PRR12: variants seen among roughly 807,000 people sequenced by gnomAD.
The protein encoded by PRR12 is proline-rich protein 12.
In PRR12, 12 loss-of-function variants were observed where a neutral mutation model predicts 138.0. That is an observed-to-expected ratio of 0.09 (90% CI 0.06 to 0.14). PRR12 has a LOEUF of 0.14. Ranked by LOEUF, PRR12 falls within the 10% of genes least tolerant of loss-of-function variation. PRR12 has a pLI of 1.00. For synonymous variants in PRR12, 1,567 were observed against 1,291.7 expected (o/e 1.21, Z -4.57); for missense variants, 2,692 against 2,861.3 (o/e 0.94, Z 1.35).
rs766566712 is a variant in PRR12, at chr19:49,591,617, TCCCTCC to T, written c.-28_-23del. ...CGCGCGCGCCCCCTCCCTCCCTCCC[TCCCTCC>T]CCCTCCCCCCAATTTCCACCGCGGC... On this transcript the variant is annotated 5_prime_UTR_variant, in exon 1 of 14. Transcript: ENST00000418929. 3.9e-4 allele frequency: 48 copies of T among 122,434 alleles called. No homozygotes were observed. The highest frequency in any genetic ancestry group is 6.9e-4 in the Non-Finnish European group (44 of 64,032). The allele number at this position is 122,434 out of a possible 1,614,324, so 7.6% of individuals were successfully genotyped here.
At chr19:49,620,546 G>C in intron 10 of PRR12, 69 bp downstream of exon 10, 1 of 1,541,548 alleles carries the variant, frequency 6.5e-7, no homozygotes, top group Non-Finnish European at 8.8e-7. Flanking sequence ...TGAGGGCTTG[G>C]ACGTGATGTG....
At chr19:49,604,525 A>T (rs1439348118) in intron 6 of PRR12, among the ~76,000 whole-genome samples, 1 of 151,964 alleles carries the variant, frequency 6.6e-6, no homozygotes, top group Admixed American at 6.6e-5. Flanking sequence ...TAAAAATACA[A>T]CAATTAGCCG....
chr19:49,616,099 C>T lies in PRR12; in HGVS notation c.5377C>T (p.Pro1793Ser). The change falls in exon 9 of 14, where the codon CCG becomes TCG. Residue 1793 changes from proline to serine, a missense_variant. Pro to Ser is a moderately conservative substitution (Grantham distance 74). This residue lies in a region of PRR12 where 259 missense variants were observed against 265.1 expected (regional missense o/e 0.98). Transcript: ENST00000418929. This position sits in a 1 kb window ranked among gnomAD's most constrained non-coding sequence, Gnocchi z 4.2. ...KARPTKVKAE[P>S]PPKKRKKWLK... The stretch of plus-strand genomic sequence containing the variant: ...CCGGCCTACCAAGGTGAAGGCTGAA[C>T]CGCCCCCTAAGAAGAGGAAGAAATG... 6.4e-7 allele frequency: 1 copy of T among 1,567,582 alleles called. No homozygotes were observed. Among genetic ancestry groups the T allele is most frequent in the Non-Finnish European group, 8.6e-7 (1 of 1,156,882 alleles).
chr19:49,620,389 G>T lies in PRR12; in HGVS notation c.5535G>T (p.Ala1845=), dbSNP rs189353817. 1 of 1,612,344 alleles carries T rather than the reference G, an allele frequency of 6.2e-7. No homozygotes were observed. Among genetic ancestry groups the T allele is most frequent in the Non-Finnish European group, 8.5e-7 (1 of 1,179,292 alleles). The stretch of plus-strand genomic sequence containing the variant: ...CTGGGCGTCTGCTCAAAACCAGGGC[G>T]ATGCGGGAGATGTACCGGAGCTACG... The part of the protein sequence containing the change: ...AVPGRLLKTR[A]MREMYRSYVE... The change falls in exon 10 of 14, where the codon GCG becomes GCT. Residue 1845 remains alanine, a synonymous_variant. Coordinates refer to ENST00000418929, the MANE Select transcript of PRR12 (RefSeq NM_020719.3).
At position 49,597,297 on chromosome 19, in the gene PRR12, G is replaced by A. The variant is rs1237843579; in HGVS notation, c.2962G>A (p.Asp988Asn). Reference sequence around the variant, plus strand: ...GCCACCCCCCGGCCCCCCTGCTTATGATCCCTATGGGCCCTACTGTCCTGG... The same window carrying A: ...GCCACCCCCCGGCCCCCCTGCTTATAATCCCTATGGGCCCTACTGTCCTGG... The part of the protein sequence containing the change: ...AGPPPGPPAY[D>N]PYGPYCPGRA... Residue 988 changes from aspartate (D) to asparagine (N), a missense_variant, in exon 4 of 14, where the codon GAT becomes AAT. Transcript: ENST00000418929. The surrounding 1 kb of genome is among the most constrained non-coding windows in gnomAD (Gnocchi z 6.3). 2.6e-6 allele frequency: 4 copies of A among 1,560,008 alleles called. No homozygotes were observed. The South Asian group carries it at 3.5e-5, about 14-fold the overall frequency.
chr19:49,599,575 G>T lies in PRR12; in HGVS notation c.3982G>T (p.Ala1328Ser). The T allele has an allele frequency of 6.3e-7, 1 of 1,594,512 alleles. No individual in the cohort carries two copies. Among genetic ancestry groups the T allele is most frequent in the Non-Finnish European group, 8.5e-7 (1 of 1,170,520 alleles). Residue 1328 changes from alanine to serine, a missense_variant, in exon 5 of 14, where the codon GCC becomes TCC. Transcript: ENST00000418929. This position sits in a 1 kb window ranked among gnomAD's most constrained non-coding sequence, Gnocchi z 5.0. Reference sequence around the variant, plus strand: ...CCGAGGCCTGCAGCCCCAGCCCCCTGCCACCCCTGCTGTGCCACATCCCCC... The same window carrying T: ...CCGAGGCCTGCAGCCCCAGCCCCCTTCCACCCCTGCTGTGCCACATCCCCC... ...PARGLQPQPP[A>S]TPAVPHPPPS...
chr19:49,597,791 C>T lies in PRR12; in HGVS notation c.3456C>T (p.Pro1152=). 1.3e-6 allele frequency: 2 copies of T among 1,581,784 alleles called. No individual in the cohort carries two copies. Among genetic ancestry groups the T allele is most frequent in the Non-Finnish European group, 1.7e-6 (2 of 1,164,712 alleles). Residue 1152 remains proline, a synonymous_variant, in exon 4 of 14, where the codon CCC becomes CCT. Coordinates refer to ENST00000418929, the MANE Select transcript of PRR12 (RefSeq NM_020719.3). This position sits in a 1 kb window ranked among gnomAD's most constrained non-coding sequence, Gnocchi z 6.3. ...FCPPNPGPDG[P]RRRGRKPTKA... is the part of the protein sequence containing the mutation. The stretch of plus-strand genomic sequence containing the variant: ...CACCCAACCCAGGACCCGATGGCCC[C>T]CGGCGCCGTGGCCGCAAGCCCACGA...
intron 9 of PRR12, among the ~76,000 whole-genome samples, chr19:49,617,718 G>A (rs902441617): frequency 2.6e-5 from 4 of 152,096 alleles, no homozygotes; most frequent in Non-Finnish European, 4.4e-5. Flanking sequence ...CAGTACAGGG[G>A]TAGCTGTTTT....
rs55707507 is a variant in PRR12, at chr19:49,619,851, C to CTTTTTTT, written c.5498-482_5498-476dup. On this transcript the variant is annotated intron_variant, in intron 9 of 13. Coordinates refer to ENST00000418929, the MANE Select transcript of PRR12 (RefSeq NM_020719.3). The stretch of plus-strand genomic sequence containing the variant: ...GCACTTTATGGGCTACAATGCCTGG[C>CTTTTTTT]TTTTTTTTTTTTTTTTTTTTTTTTT... Among the ~76,000 whole-genome samples, 22 of 53,942 alleles carry CTTTTTTT rather than the reference C, an allele frequency of 4.1e-4. 4 individuals carry two copies. Among genetic ancestry groups the CTTTTTTT allele is most frequent in the African/African-American group, 1.1e-3 (12 of 11,372 alleles). The allele number at this position is 53,942 out of a possible 152,430, so 35.4% of individuals were successfully genotyped here. A position where few individuals can be genotyped will look rare whatever the true frequency, so the allele number is the denominator to read the frequency against.
chr19:49,594,875 C>T lies in PRR12; in HGVS notation c.540C>T (p.Asn180=), dbSNP rs370888492. 21 of 1,611,384 alleles carry T rather than the reference C, an allele frequency of 1.3e-5. No individual in the cohort carries two copies. Among genetic ancestry groups the T allele is most frequent in the South Asian group, 3.3e-5 (3 of 90,636 alleles). The change falls in exon 4 of 14, where the codon AAC becomes AAT. Residue 180 remains asparagine (N), a synonymous_variant. Coordinates refer to ENST00000418929, the MANE Select transcript of PRR12 (RefSeq NM_020719.3). This position sits in a 1 kb window ranked among gnomAD's most constrained non-coding sequence, Gnocchi z 5.6. ...ACCCCCCATTCAGCCCTCCAGCTAA[C>T]GGGCTCCTGTCCCCTCATGACGTGC... ...LQDPPFSPPA[N]GLLSPHDVLH... is the part of the protein sequence containing the mutation.
At chr19:49,611,031 G>T (rs1222800306) in intron 6 of PRR12, among the ~76,000 whole-genome samples, 1 of 151,682 alleles carries the variant, frequency 6.6e-6, no homozygotes, top group Non-Finnish European at 1.5e-5. Flanking sequence ...TTGTAGAGAC[G>T]GGGTTTCACC....
At chr19:49,619,851 CTTTTTTTTTTTTTT>C (rs55707507) in intron 9 of PRR12, among the ~76,000 whole-genome samples, 3 of 53,936 alleles carry the variant, frequency 5.6e-5, no homozygotes, top group African/African-American at 1.8e-4. Context: ...CAATGCCTGG[CTTTTTTTTTTTTTT>C]TTTTTTTTTT....
chr19:49,612,746 C>T (rs537044131), intron 6 of PRR12, among the ~76,000 whole-genome samples: 1 of 152,030 alleles, frequency 6.6e-6, no homozygotes, highest in East Asian at 1.9e-4. Flanking sequence ...CTCACTGCAA[C>T]CTCCACCTCC....
rs1025429833 is a variant in PRR12 at position 49,616,382 on chromosome 19, G to T, written c.5497+163G>T. On this transcript the variant is annotated intron_variant, in intron 9 of 13. Transcript: ENST00000418929. This position sits in a 1 kb window ranked among gnomAD's most constrained non-coding sequence, Gnocchi z 4.2. The stretch of plus-strand genomic sequence containing the variant: ...CACGGGGCATCTCACTACACGACAG[G>T]CTGCCTCCTGAGAAGCTGATGGATG... Among the ~76,000 whole-genome samples the T allele has an allele frequency of 1.3e-5, 2 of 151,922 alleles. No homozygotes were observed. The highest frequency in any genetic ancestry group is 2.4e-5 in the African/African-American group (1 of 41,314).
rs1478983622 is a variant in PRR12 at position 49,614,850 on chromosome 19, C to T, written c.4891-26C>T. On this transcript the variant is annotated intron_variant, in intron 7 of 13. Coordinates refer to ENST00000418929, the MANE Select transcript of PRR12 (RefSeq NM_020719.3). This position sits in a 1 kb window ranked among gnomAD's most constrained non-coding sequence, Gnocchi z 5.0. ...TCTGGCTGGGCAGTGTGAAGAATTTCCTCATGTGCCTCTTTCTCCCCATAG... is the reference window on the plus strand; with the variant it reads ...TCTGGCTGGGCAGTGTGAAGAATTTTCTCATGTGCCTCTTTCTCCCCATAG... 1.2e-6 allele frequency: 2 copies of T among 1,613,844 alleles called. No homozygotes were observed. Among genetic ancestry groups the T allele is most frequent in the East Asian group, 2.2e-5 (1 of 44,876 alleles).
In PRR12 at chr19:49,596,754, A is replaced by G. The variant is rs2080772708; in HGVS notation, c.2419A>G (p.Ser807Gly). 1 of 1,593,748 alleles carries G rather than the reference A, an allele frequency of 6.3e-7. No homozygotes were observed. Among genetic ancestry groups the G allele is most frequent in the Non-Finnish European group, 8.5e-7 (1 of 1,175,722 alleles). ...PPPQLLPSVL[S>G]HAPSPSPSAS... ...CCCCCAGCTGCTCCCCTCGGTCCTC[A>G]GCCATGCCCCCAGTCCCTCTCCCAG... The change falls in exon 4 of 14, where the codon AGC (serine) becomes GGC (glycine). Residue 807 changes from serine to glycine, a missense_variant. Around this residue, in one of 11 missense-constraint regions of PRR12, gnomAD observed 840 missense variants for 689.8 expected, o/e 1.22. Transcript: ENST00000418929. This position sits in a 1 kb window ranked among gnomAD's most constrained non-coding sequence, Gnocchi z 5.6.
At chr19:49,605,013 G>A (rs1232458014) in intron 6 of PRR12, among the ~76,000 whole-genome samples, 1 of 151,986 alleles carries the variant, frequency 6.6e-6, no homozygotes, top group African/African-American at 2.4e-5. Context: ...ACCATGGTTG[G>A]CTAAATTTTG....
At position 49,597,589 on chromosome 19, in the gene PRR12, A is replaced by T. The variant is rs200669400; in HGVS notation, c.3254A>T (p.Asp1085Val). ...TSSFHLLRRR[D>V]PPFQTPKKLY... ...TCCTTCCACCTGCTGCGGCGCCGCG[A>T]CCCACCCTTCCAGACCCCCAAGAAG... Residue 1085 changes from aspartate (D) to valine (V), a missense_variant, in exon 4 of 14, where the codon GAC (aspartate) becomes GTC (valine). By Grantham distance (152) the Asp-to-Val change is radical. This residue lies in a region of PRR12 where 840 missense variants were observed against 689.8 expected (regional missense o/e 1.22). Transcript: ENST00000418929. The surrounding 1 kb of genome is among the most constrained non-coding windows in gnomAD (Gnocchi z 6.3). 9 of 1,608,006 alleles carry T rather than the reference A, an allele frequency of 5.6e-6. No homozygotes were observed. Among genetic ancestry groups the T allele is most frequent in the Middle Eastern group, 1.7e-4 (1 of 6,058 alleles).
chr19:49,622,924 T>TAGAGAGAGAG (rs1296077375), intron 11 of PRR12, among the ~76,000 whole-genome samples: 2 of 84,730 alleles, frequency 2.4e-5, no homozygotes, highest in Non-Finnish European at 4.7e-5. Flanking sequence ...TATATATATA[T>TAGAGAGAGAG]ATATAGAGAG....
Sources: gnomAD v4.1 joint callset for allele counts (sites outside exome capture counted in the v4.1 genomes callset) on GRCh38, gnomAD v4.1.1 for gene constraint, gnomAD v4.1.1 regional missense constraint, Gnocchi (gnomAD v3.1) non-coding constraint, MANE v1.5 for transcripts, NCBI Gene and HGNC (gene_info 2026-07-23, HGNC 2026-07-21) for gene names.